The following EVA1C variants were observed in gnomAD, a reference collection of about 807,000 sequenced individuals.
EVA1C encodes protein eva-1 homolog C.
Under a neutral mutation model 45.4 loss-of-function variants are expected in EVA1C, and 25 were observed. That is an observed-to-expected ratio of 0.55 (90% CI 0.40 to 0.77). EVA1C has a LOEUF of 0.77. EVA1C is among the 30% of genes least tolerant of loss of function. The pLI is 0.00. For synonymous variants in EVA1C, 190 were observed against 221.2 expected (o/e 0.86, Z 1.25); for missense variants, 479 against 554.8 (o/e 0.86, Z 1.37).
chr21:32,454,100 G>A lies in EVA1C; in HGVS notation c.357+592G>A, dbSNP rs540478449. 9.2e-5 allele frequency among the ~76,000 whole-genome samples: 14 copies of A among 152,220 alleles called. No homozygotes were observed. In the South Asian group the frequency reaches 1.0e-3, roughly 11 times the overall value. ...AAAAATTAGCCGGGCATGGTGGCAC[G>A]CACCTGTAGTCCCAGCTACTTGGGA... On this transcript the variant is annotated intron_variant, in intron 2 of 7. Transcript: ENST00000300255.
chr21:32,496,118 CT>C (rs1473178023), intron 5 of EVA1C, among the ~76,000 whole-genome samples: 1 of 152,194 alleles, frequency 6.6e-6, no homozygotes, highest in Admixed American at 6.5e-5. Context: ...AAAAGAAACC[CT>C]GTATCCCTTA....
intron 1 of EVA1C, among the ~76,000 whole-genome samples, chr21:32,431,965 C>G (rs1393218734): frequency 6.6e-6 from 1 of 152,110 alleles, no homozygotes; most frequent in Non-Finnish European, 1.5e-5. Context: ...AAAGATAATC[C>G]CAGATCATGA....
intron 1 of EVA1C, chr21:32,433,232 C>G (rs1305929548): frequency 2.6e-5 from 4 of 152,358 alleles, no homozygotes; most frequent in African/African-American, 9.6e-5. Flanking sequence ...GCAAACAAGG[C>G]CTTTTTACCC....
chr21:32,440,071 G>A (rs113761645), intron 1 of EVA1C, among the ~76,000 whole-genome samples: 4 of 152,196 alleles, frequency 2.6e-5, no homozygotes, highest in African/African-American at 9.6e-5. Context: ...CCACCCTCCT[G>A]TCTGTTTGTC....
At chr21:32,448,701 G>A (rs2035453095) in intron 1 of EVA1C, among the ~76,000 whole-genome samples, 1 of 152,078 alleles carries the variant, frequency 6.6e-6, no homozygotes, top group Non-Finnish European at 1.5e-5. Flanking sequence ...GAGGTCAGGA[G>A]TTTGAGACCA....
At chr21:32,482,575 G>C (rs2036825324) in intron 4 of EVA1C, among the ~76,000 whole-genome samples, 2 of 152,186 alleles carry the variant, frequency 1.3e-5, no homozygotes, top group South Asian at 4.1e-4. Flanking sequence ...ATAATTTGAT[G>C]TTGGTGCTCT....
intron 7 of EVA1C, among the ~76,000 whole-genome samples, chr21:32,510,966 G>C (rs1355869058): frequency 6.6e-6 from 1 of 152,198 alleles, no homozygotes; most frequent in Non-Finnish European, 1.5e-5. Context: ...TTTGAGCCCA[G>C]GAATTCAAGG....
chr21:32,485,056 G>T (rs1238047947), intron 4 of EVA1C, among the ~76,000 whole-genome samples: 1 of 152,068 alleles, frequency 6.6e-6, no homozygotes, highest in Non-Finnish European at 1.5e-5. Context: ...CATATTAGAC[G>T]CATGCGTCTT....
In EVA1C at chr21:32,443,494, G is replaced by A. The variant is rs561225738; in HGVS notation, c.161-9818G>A. Reference sequence around the variant, plus strand: ...GGAGGTTGCAGTGAGCCAAGATTGCGCCATTGCACTCCAGCCTGGGCAAGA... The same window carrying A: ...GGAGGTTGCAGTGAGCCAAGATTGCACCATTGCACTCCAGCCTGGGCAAGA... On this transcript the variant is annotated intron_variant, in intron 1 of 7. Coordinates refer to ENST00000300255, the MANE Select transcript of EVA1C (RefSeq NM_058187.5). Among the ~76,000 whole-genome samples, 27 of 152,146 alleles carry A rather than the reference G, an allele frequency of 1.8e-4. No individual in the cohort carries two copies. In the South Asian group the frequency reaches 2.5e-3, roughly 14 times the overall value.
At chr21:32,425,334 C>CAAAAAAAAAA (rs60224656) in intron 1 of EVA1C, among the ~76,000 whole-genome samples, 1 of 57,770 alleles carries the variant, frequency 1.7e-5, no homozygotes, top group Non-Finnish European at 3.3e-5. Flanking sequence ...GACTCCATCT[C>CAAAAAAAAAA]AAAAAAAAAA....
rs2037075869 is a variant in EVA1C at position 32,489,222 on chromosome 21, C to G, written c.635-5805C>G. ...ATTTCTTCTAGGAGTTTTATGGTTT[C>G]CGGTCTTATATTTGGTCTTTAATCC... On this transcript the variant is annotated intron_variant, in intron 4 of 7. Coordinates refer to ENST00000300255, the MANE Select transcript of EVA1C (RefSeq NM_058187.5). Among the ~76,000 whole-genome samples the G allele has an allele frequency of 2.0e-5, 3 of 152,086 alleles. No homozygotes were observed. In the South Asian group the frequency reaches 6.2e-4, roughly 32 times the overall value.
intron 1 of EVA1C, among the ~76,000 whole-genome samples, chr21:32,434,354 G>A (rs1366910477): frequency 7.0e-6 from 1 of 143,714 alleles, no homozygotes; most frequent in Non-Finnish European, 1.5e-5. Flanking sequence ...CACTTTGGGA[G>A]GCCGAGATGG....
intron 4 of EVA1C, among the ~76,000 whole-genome samples, chr21:32,489,946 C>T (rs1447464431): frequency 2.0e-5 from 3 of 152,092 alleles, no homozygotes; most frequent in African/African-American, 4.8e-5. Context: ...GGATTACAGG[C>T]GTGTGCCACC....
Position 32,475,915 on chromosome 21 carries a change from C to A in EVA1C, c.634+8067C>A, listed in dbSNP as rs1355129651. Among the ~76,000 whole-genome samples the A allele has an allele frequency of 8.5e-4, 80 of 94,134 alleles. 1 individual carries two copies. Among genetic ancestry groups the A allele is most frequent in the East Asian group, 6.7e-3 (17 of 2,526 alleles). The allele number at this position is 94,134 out of a possible 152,430, so 61.8% of individuals were successfully genotyped here. A position where few individuals can be genotyped will look rare whatever the true frequency, so the allele number is the denominator to read the frequency against. On this transcript the variant is annotated intron_variant, in intron 4 of 7. Coordinates refer to ENST00000300255, the MANE Select transcript of EVA1C (RefSeq NM_058187.5). ...TCTATCTATCTATCTATCTATCTAT[C>A]TATCTATCTATCTATATAAACAGGA...
chr21:32,425,469 C>A (rs557301049), intron 1 of EVA1C, among the ~76,000 whole-genome samples: 3 of 152,008 alleles, frequency 2.0e-5, no homozygotes, highest in Non-Finnish European at 4.4e-5. Context: ...CAGATAGGAG[C>A]CACTGTGCCT....
At chr21:32,453,910 C>A (rs1199382631) in intron 2 of EVA1C, among the ~76,000 whole-genome samples, 1 of 152,204 alleles carries the variant, frequency 6.6e-6, no homozygotes, top group Non-Finnish European at 1.5e-5. Flanking sequence ...AGGCAGACAT[C>A]TGAAGTCATG....
At chr21:32,465,363 C>G (rs2036136069) in intron 3 of EVA1C, among the ~76,000 whole-genome samples, 1 of 152,080 alleles carries the variant, frequency 6.6e-6, no homozygotes, top group African/African-American at 2.4e-5. Flanking sequence ...TCTTCCCACC[C>G]ACCCCAGGCC....
chr21:32,434,358 G>A (rs1244771081), intron 1 of EVA1C, among the ~76,000 whole-genome samples: 3 of 151,730 alleles, frequency 2.0e-5, no homozygotes, highest in East Asian at 1.9e-4. Context: ...TTGGGAGGCC[G>A]AGATGGGCGG....
chr21:32,493,454 G>A (rs1035622398), intron 4 of EVA1C, among the ~76,000 whole-genome samples: 11 of 151,928 alleles, frequency 7.2e-5, no homozygotes, highest in Admixed American at 2.0e-4. Context: ...TGGTCGCCCC[G>A]CCTACTCCCG....
Sources: gnomAD v4.1 joint callset for allele counts (sites outside exome capture counted in the v4.1 genomes callset) on GRCh38, gnomAD v4.1.1 for gene constraint, MANE v1.5 for transcripts, NCBI Gene and HGNC (gene_info 2026-07-23, HGNC 2026-07-21) for gene names.